Variants in FERRY3 observed in about 807,000 individuals in gnomAD.
FERRY3 encodes the protein protein C12orf4.
the FERRY3 span, among the ~76,000 whole-genome samples, chr12:4,504,516 G>GT: frequency 2.6e-5 from 4 of 152,182 alleles, no homozygotes; most frequent in Middle Eastern, 3.4e-3. Flanking sequence ...GCAGAAAAAC[G>GT]TAAGAGGAAA....
chr12:4,516,197 T>C, the FERRY3 span, among the ~76,000 whole-genome samples: 1 of 152,194 alleles, frequency 6.6e-6, no homozygotes, highest in East Asian at 1.9e-4. Context: ...ACGTCCACTT[T>C]AAAGATATAG....
the FERRY3 span, chr12:4,534,233 G>C: frequency 6.2e-7 from 1 of 1,612,694 alleles, no homozygotes; most frequent in Non-Finnish European, 8.5e-7. Context: ...TGCCAGGGAT[G>C]CTTCAGCATC....
chr12:4,504,191 T>G, the FERRY3 span, among the ~76,000 whole-genome samples: 1 of 152,218 alleles, frequency 6.6e-6, no homozygotes, highest in Non-Finnish European at 1.5e-5. Context: ...AGGTTAAATG[T>G]AATGTGTTCC....
the FERRY3 span, among the ~76,000 whole-genome samples, chr12:4,508,204 A>C: frequency 6.6e-6 from 1 of 152,212 alleles, no homozygotes; most frequent in Non-Finnish European, 1.5e-5. Context: ...GATGGGAACA[A>C]AGACCCTTCA....
chr12:4,537,108 C>A, the FERRY3 span, among the ~76,000 whole-genome samples: 10 of 152,206 alleles, frequency 6.6e-5, no homozygotes, highest in African/African-American at 2.4e-4. Context: ...TCCTAATACA[C>A]AAATTCACAA....
At chr12:4,506,551 CAT>C in the FERRY3 span, among the ~76,000 whole-genome samples, 2 of 152,064 alleles carry the variant, frequency 1.3e-5, no homozygotes, top group African/African-American at 2.4e-5. Flanking sequence ...CTAATCGTAG[CAT>C]AGATTATAAG....
chr12:4,500,302 T>C, the FERRY3 span: 3 of 1,614,088 alleles, frequency 1.9e-6, no homozygotes, highest in Non-Finnish European at 2.5e-6. Flanking sequence ...GCAACATGGA[T>C]TTCTGAGAGA....
chr12:4,534,048 T>C, the FERRY3 span: 31 of 1,188,258 alleles, frequency 2.6e-5, no homozygotes, highest in Non-Finnish European at 3.2e-5. Flanking sequence ...GAATATTGTA[T>C]GTGGAGAAAA....
At chr12:4,521,336 C>T in the FERRY3 span, among the ~76,000 whole-genome samples, 1 of 151,910 alleles carries the variant, frequency 6.6e-6, no homozygotes, top group African/African-American at 2.4e-5. Context: ...GCATTGTACT[C>T]CAGCCTGGGA....
chr12:4,507,856 C>A, the FERRY3 span, among the ~76,000 whole-genome samples: 1 of 152,226 alleles, frequency 6.6e-6, no homozygotes, highest in African/African-American at 2.4e-5. Context: ...TACACACATA[C>A]ACTTGCTTAC....
chr12:4,518,823 C>G, the FERRY3 span: 11 of 1,594,882 alleles, frequency 6.9e-6, no homozygotes, highest in Non-Finnish European at 9.4e-6. Flanking sequence ...CCTCATAAAT[C>G]CTTCCAATTG....
At chr12:4,519,245 G>C in the FERRY3 span, among the ~76,000 whole-genome samples, 1 of 152,118 alleles carries the variant, frequency 6.6e-6, no homozygotes, top group Non-Finnish European at 1.5e-5. The surrounding 1 kb of genome is among the most constrained non-coding windows in gnomAD (Gnocchi z 4.3). Context: ...ACCAGGGCTA[G>C]CCCTAGGCAA....
the FERRY3 span, chr12:4,505,265 GT>G: frequency 7.9e-7 from 1 of 1,272,562 alleles, no homozygotes; most frequent in Non-Finnish European, 1.1e-6. Context: ...ACATCTTTTG[GT>G]ATAAGAAAAC....
chr12:4,531,087 C>T, the FERRY3 span, among the ~76,000 whole-genome samples: 1 of 151,958 alleles, frequency 6.6e-6, no homozygotes, highest in Non-Finnish European at 1.5e-5. Context: ...ATCACATAAA[C>T]AGCTATCTTG....
At chr12:4,535,063 C>T in the FERRY3 span, among the ~76,000 whole-genome samples, 5 of 152,204 alleles carry the variant, frequency 3.3e-5, no homozygotes, top group Non-Finnish European at 7.3e-5. The surrounding 1 kb of genome is among the most constrained non-coding windows in gnomAD (Gnocchi z 4.0). Flanking sequence ...AGCTTATTAA[C>T]ACATTTAACT....
the FERRY3 span, among the ~76,000 whole-genome samples, chr12:4,493,100 T>C: frequency 1.3e-5 from 2 of 152,176 alleles, no homozygotes; most frequent in Non-Finnish European, 2.9e-5. Flanking sequence ...TTAATTGCCA[T>C]CTCCTCCATA....
chr12:4,531,996 T>C, the FERRY3 span, among the ~76,000 whole-genome samples: 1 of 151,960 alleles, frequency 6.6e-6, no homozygotes, highest in Admixed American at 6.6e-5. Context: ...GCTATAAGTC[T>C]GCCTTTCCTC....
At chr12:4,520,851 A>G in the FERRY3 span, among the ~76,000 whole-genome samples, 2 of 152,224 alleles carry the variant, frequency 1.3e-5, no homozygotes, top group Non-Finnish European at 2.9e-5. Context: ...CAAACTTGCC[A>G]TGCATTTTCA....
At chr12:4,497,553 G>A in the FERRY3 span, among the ~76,000 whole-genome samples, 1 of 152,154 alleles carries the variant, frequency 6.6e-6, no homozygotes, top group African/African-American at 2.4e-5. Context: ...GTAACCAACA[G>A]TTACAAAACT....
Sources: allele counts gnomAD v4.1 joint callset (sites outside exome capture counted in the v4.1 genomes callset), GRCh38; gene constraint gnomAD v4.1.1; non-coding constraint Gnocchi (gnomAD v3.1); transcripts MANE v1.5; gene names NCBI Gene and HGNC (gene_info 2026-07-23, HGNC 2026-07-21).